MSI2: variants seen among roughly 807,000 people sequenced by gnomAD.
MSI2 encodes musashi RNA binding protein 2.
A neutral mutation model predicts 45.6 loss-of-function variants in MSI2; 17 were observed. The ratio of observed to expected loss-of-function variants is 0.37; its 90% CI spans 0.26 to 0.56. The LOEUF is 0.56. Among genes scored for constraint, MSI2 ranks in the 20% least tolerant of loss-of-function variants. The pLI is 0.77. For missense variants in MSI2, 293 were observed against 444.2 expected, an observed-to-expected ratio of 0.66 and a Z score of 3.06; for synonymous variants, 156 against 158.2, an observed-to-expected ratio of 0.99 and a Z score of 0.11.
At chr17:57,632,851 T>G in intron 10 of MSI2, 1 of 1,064,306 alleles carries the variant, frequency 9.4e-7, no homozygotes, top group South Asian at 4.5e-5. Flanking sequence ...TCATTGTCCT[T>G]GAGACCCTAC....
At chr17:57,456,763 T>C (rs1433982177) in intron 6 of MSI2, among the ~76,000 whole-genome samples, 1 of 152,202 alleles carries the variant, frequency 6.6e-6, no homozygotes, top group Non-Finnish European at 1.5e-5. Flanking sequence ...TTGCAGATGT[T>C]GATGTAGTTT....
chr17:57,334,023 A>G (rs1914494249), intron 5 of MSI2, among the ~76,000 whole-genome samples: 1 of 151,946 alleles, frequency 6.6e-6, no homozygotes, highest in Admixed American at 6.6e-5. Flanking sequence ...GTTTCACTCC[A>G]TTGTTGTCTC....
intron 7 of MSI2, among the ~76,000 whole-genome samples, chr17:57,578,748 A>G (rs1177796021): frequency 6.6e-6 from 1 of 152,118 alleles, no homozygotes; most frequent in Non-Finnish European, 1.5e-5. Flanking sequence ...TTGGCGCAAA[A>G]CCAATTCCTC....
intron 10 of MSI2, chr17:57,630,193 T>TGGGGGGGGGGGGG (rs781446299): frequency 6.8e-6 from 1 of 146,904 alleles, no homozygotes; most frequent in Non-Finnish European, 1.5e-5. Flanking sequence ...GGGCGGGGGA[T>TGGGGGGGGGGGGG]GGACTGGGCT....
chr17:57,531,516 G>A (rs2086821889), intron 7 of MSI2, among the ~76,000 whole-genome samples: 1 of 152,180 alleles, frequency 6.6e-6, no homozygotes, highest in Admixed American at 6.5e-5. Flanking sequence ...AGATGGGAAT[G>A]CATTTGTTAA....
chr17:57,264,732 C>T (rs989802900), intron 5 of MSI2: 5 of 152,224 alleles, frequency 3.3e-5, no homozygotes, highest in Non-Finnish European at 4.4e-5. Context: ...AGGAGCCATA[C>T]CCAGGCAACC....
intron 10 of MSI2, chr17:57,631,889 C>T: frequency 6.2e-7 from 1 of 1,600,814 alleles, no homozygotes; most frequent in Non-Finnish European, 8.5e-7. Context: ...AGAGAGGACA[C>T]AGTCCCGGCC....
rs145656126 is a variant in MSI2 at position 57,454,696 on chromosome 17, A to G, written c.405+53225A>G. 3.5e-3 allele frequency among the ~76,000 whole-genome samples: 525 copies of G among 152,060 alleles called. 3 individuals carry two copies. The highest frequency in any genetic ancestry group is 0.012 in the African/African-American group (487 of 41,472). On this transcript the variant is annotated intron_variant, in intron 6 of 13. Coordinates refer to ENST00000284073, the MANE Select transcript of MSI2 (RefSeq NM_138962.4). ...GTGATCTACCCACCTCGGCCTCCCA[A>G]AGTGCTGGGATTGCAGGCGTGTGCC... is the stretch of plus-strand genomic sequence containing the variant.
At chr17:57,553,967 G>A (rs1200958565) in intron 7 of MSI2, among the ~76,000 whole-genome samples, 1 of 152,118 alleles carries the variant, frequency 6.6e-6, no homozygotes, top group Non-Finnish European at 1.5e-5. Flanking sequence ...TTCTAGGAGG[G>A]CCCTGAAAAT....
intron 11 of MSI2, among the ~76,000 whole-genome samples, chr17:57,666,498 C>T (rs1260621913): frequency 6.6e-6 from 1 of 152,222 alleles, no homozygotes; most frequent in Non-Finnish European, 1.5e-5. Context: ...TGGTTTTCAC[C>T]TCCAGGCCCT....
chr17:57,432,144 T>G (rs924570883), intron 6 of MSI2, among the ~76,000 whole-genome samples: 1 of 152,198 alleles, frequency 6.6e-6, no homozygotes, highest in Non-Finnish European at 1.5e-5. Flanking sequence ...AATTGAATTA[T>G]TGAATTACCA....
At chr17:57,342,527 A>G (rs792400) in intron 5 of MSI2, among the ~76,000 whole-genome samples, 74,574 of 152,068 alleles carry the variant, frequency 0.49, 21,514 homozygotes, top group African/African-American at 0.82. Flanking sequence ...TTCAGAGGAA[A>G]GTCTAAATCT....
intron 5 of MSI2, among the ~76,000 whole-genome samples, chr17:57,342,326 G>A (rs792401): frequency 0.26 from 39,356 of 151,944 alleles, 5,267 homozygotes; most frequent in Non-Finnish European, 0.3. Context: ...TTACCTTCCT[G>A]GTTGAACGCT....
intron 5 of MSI2, among the ~76,000 whole-genome samples, chr17:57,369,873 T>A (rs775415511): frequency 1.4e-4 from 21 of 152,162 alleles, no homozygotes; most frequent in Non-Finnish European, 2.4e-4. Flanking sequence ...CCTGTGTCCC[T>A]GGGAAAGGAA....
chr17:57,580,208 C>A (rs2088163819), intron 7 of MSI2, among the ~76,000 whole-genome samples: 1 of 152,146 alleles, frequency 6.6e-6, no homozygotes, highest in Non-Finnish European at 1.5e-5. Context: ...CAGGGTGAAC[C>A]CATTTATCAT....
At chr17:57,542,412 C>T (rs2087069822) in intron 7 of MSI2, among the ~76,000 whole-genome samples, 1 of 152,214 alleles carries the variant, frequency 6.6e-6, no homozygotes, top group African/African-American at 2.4e-5. Context: ...TTAGGAAAGT[C>T]TGGCTGAGAT....
At chr17:57,436,917 C>A (rs1049014583) in intron 6 of MSI2, among the ~76,000 whole-genome samples, 5 of 152,106 alleles carry the variant, frequency 3.3e-5, no homozygotes, top group African/African-American at 1.2e-4. Context: ...TGGGTTGACT[C>A]CAGCAACTCA....
intron 5 of MSI2, among the ~76,000 whole-genome samples, chr17:57,355,532 G>C (rs148074039): frequency 6.6e-6 from 1 of 152,172 alleles, no homozygotes. Context: ...TTAGGGATGC[G>C]TGCCAAAACT....
chr17:57,554,187 C>T (rs1449973754), intron 7 of MSI2, among the ~76,000 whole-genome samples: 1 of 150,722 alleles, frequency 6.6e-6, no homozygotes, highest in African/African-American at 2.5e-5. Context: ...ACAAGAACGA[C>T]ACCAAGTATT....
Sources: allele counts gnomAD v4.1 joint callset (sites outside exome capture counted in the v4.1 genomes callset), GRCh38; gene constraint gnomAD v4.1.1; transcripts MANE v1.5; gene names NCBI Gene and HGNC (gene_info 2026-07-23, HGNC 2026-07-21).